CREB3L1: variants seen among roughly 807,000 people sequenced by gnomAD.
CREB3L1 encodes the protein cAMP responsive element binding protein 3 like 1.
A neutral mutation model predicts 54.5 loss-of-function variants in CREB3L1; 33 were observed. That is an observed-to-expected ratio of 0.61 (90% CI 0.46 to 0.81). CREB3L1 has a LOEUF of 0.81. Ranked by LOEUF, CREB3L1 falls within the 30% of genes least tolerant of loss-of-function variation. The pLI, the probability that CREB3L1 is intolerant of heterozygous loss-of-function variation, is 0.00. For synonymous variants in CREB3L1, 284 were observed against 286.4 expected, an observed-to-expected ratio of 0.99 and a Z score of 0.08; for missense variants, 656 against 673.3, an observed-to-expected ratio of 0.97 and a Z score of 0.29.
At chr11:46,291,676 G>A (rs796772833) in intron 1 of CREB3L1, among the ~76,000 whole-genome samples, 12 of 152,306 alleles carry the variant, frequency 7.9e-5, no homozygotes, top group African/African-American at 2.9e-4. Flanking sequence ...GGTGGGGGAA[G>A]GAAGGCAGAG....
At chr11:46,317,211 T>G in intron 9 of CREB3L1, 150 bp from the exon 10 acceptor site, 30 of 933,994 alleles carry the variant, frequency 3.2e-5, no homozygotes, top group Non-Finnish European at 3.9e-5. Context: ...AGACCCCACA[T>G]GTAGGAGGGA....
intron 1 of CREB3L1, among the ~76,000 whole-genome samples, chr11:46,288,058 ACT>A (rs2136337245): frequency 6.7e-6 from 1 of 149,580 alleles, no homozygotes; most frequent in East Asian, 2.0e-4. Flanking sequence ...ATCCAATTAC[ACT>A]CTTTTTTTTA....
chr11:46,314,522 G>A (rs1001362283), intron 8 of CREB3L1, among the ~76,000 whole-genome samples: 4 of 151,768 alleles, frequency 2.6e-5, no homozygotes, highest in Non-Finnish European at 2.9e-5. Context: ...GACCACAGGC[G>A]CACACCACCA....
In CREB3L1 at chr11:46,278,189, C is replaced by T. The variant is rs1170818235; in HGVS notation, c.78C>T (p.Asn26=). The part of the protein sequence containing the change: ...GSSFLDLGDL[N]ESDFLNNAHF... ...GCTTCCTGGACTTGGGGGATCTGAACGAGTCGGACTTCCTCAACAATGCGG... is the reference window on the plus strand; with the variant it reads ...GCTTCCTGGACTTGGGGGATCTGAATGAGTCGGACTTCCTCAACAATGCGG... The change falls in exon 1 of 12, where the codon AAC becomes AAT. Residue 26 remains asparagine, a synonymous_variant. Coordinates refer to ENST00000621158, the MANE Select transcript of CREB3L1 (RefSeq NM_052854.4). The surrounding 1 kb of genome is among the most constrained non-coding windows in gnomAD (Gnocchi z 4.2). 6.4e-6 allele frequency: 10 copies of T among 1,574,048 alleles called. No homozygotes were observed. Among genetic ancestry groups the T allele is most frequent in the African/African-American group, 4.1e-5 (3 of 73,756 alleles).
At chr11:46,317,221 A>G in intron 9 of CREB3L1, 140 bp from the exon 10 acceptor site, 1 of 1,024,734 alleles carries the variant, frequency 9.8e-7, no homozygotes, top group Non-Finnish European at 1.4e-6. Flanking sequence ...TGTAGGAGGG[A>G]GTGGTCGACT....
chr11:46,307,669 C>A, intron 2 of CREB3L1, 147 bp from the exon 3 acceptor site: 1 of 566,658 alleles, frequency 1.8e-6, no homozygotes, highest in Non-Finnish European at 3.0e-6. Context: ...GACAACTCCT[C>A]CTCACCTCAC....
At chr11:46,279,541 T>A (rs1938936260) in intron 1 of CREB3L1, among the ~76,000 whole-genome samples, 2 of 152,172 alleles carry the variant, frequency 1.3e-5, no homozygotes, top group Admixed American at 1.3e-4. Context: ...TGGTTTCTAG[T>A]CCTGGCTCTG....
At chr11:46,289,500 C>T (rs1939102778) in intron 1 of CREB3L1, among the ~76,000 whole-genome samples, 1 of 152,244 alleles carries the variant, frequency 6.6e-6, no homozygotes, top group African/African-American at 2.4e-5. Context: ...AATGACCTAA[C>T]AGTCTGTAAG....
chr11:46,305,102 G>C (rs962140282), intron 2 of CREB3L1, among the ~76,000 whole-genome samples: 9 of 152,172 alleles, frequency 5.9e-5, no homozygotes, highest in African/African-American at 2.2e-4. Flanking sequence ...GTCCCCTCCA[G>C]CCCTGCCTTG....
intron 2 of CREB3L1, among the ~76,000 whole-genome samples, chr11:46,307,208 G>A (rs956526998): frequency 3.9e-5 from 6 of 152,064 alleles, no homozygotes; most frequent in Non-Finnish European, 7.4e-5. Flanking sequence ...TCAGCCTCCT[G>A]AGTAGCTGGG....
intron 4 of CREB3L1, among the ~76,000 whole-genome samples, chr11:46,310,511 A>C (rs1019527953): frequency 2.6e-5 from 4 of 151,792 alleles, no homozygotes; most frequent in African/African-American, 4.8e-5. Context: ...CAGGGGATCC[A>C]CCTGTCTCAG....
At chr11:46,288,235 T>C (rs1004967176) in intron 1 of CREB3L1, among the ~76,000 whole-genome samples, 2 of 151,946 alleles carry the variant, frequency 1.3e-5, no homozygotes, top group Non-Finnish European at 2.9e-5. Flanking sequence ...GCATGCGCCA[T>C]GACACCTGGC....
chr11:46,309,899 G>T, intron 3 of CREB3L1, 90 bp from the exon 4 acceptor site: 1 of 1,058,676 alleles, frequency 9.4e-7, no homozygotes, highest in South Asian at 1.4e-5. Flanking sequence ...GTGCAGGGCA[G>T]GCAACCAGCT....
intron 1 of CREB3L1, among the ~76,000 whole-genome samples, chr11:46,286,203 C>T (rs995707593): frequency 6.7e-6 from 1 of 148,704 alleles, no homozygotes; most frequent in East Asian, 1.9e-4. Flanking sequence ...GGAAGGAAGG[C>T]AGGATGGAGT....
chr11:46,299,821 A>T, intron 1 of CREB3L1, 114 bp from the exon 2 acceptor site: 2 of 724,194 alleles, frequency 2.8e-6, no homozygotes, highest in Non-Finnish European at 5.0e-6. Context: ...CAGTAATGGG[A>T]GGTTGCAGGG....
intron 2 of CREB3L1, among the ~76,000 whole-genome samples, chr11:46,304,177 T>A (rs1566187012): frequency 6.6e-6 from 1 of 151,264 alleles, no homozygotes; most frequent in African/African-American, 2.4e-5. Context: ...TTGGGAGGAG[T>A]AAAGAAGCTC....
At chr11:46,313,382 CCTAGGAGCTTGTTAGAAATGCAGG>C (rs1368933356) in intron 8 of CREB3L1, among the ~76,000 whole-genome samples, 1 of 152,110 alleles carries the variant, frequency 6.6e-6, no homozygotes, top group Non-Finnish European at 1.5e-5. Flanking sequence ...ATCAGCATCA[CCTAGGAGCTTGTTAGAAATGCAGG>C]CTGGGCACGG....
chr11:46,296,212 G>C (rs922980901), intron 1 of CREB3L1, among the ~76,000 whole-genome samples: 10 of 152,236 alleles, frequency 6.6e-5, no homozygotes, highest in African/African-American at 2.4e-4. Flanking sequence ...GGAGGGCTGG[G>C]TGTGGTTGGG....
In CREB3L1 at chr11:46,295,522, G is replaced by C. The variant is rs907468599; in HGVS notation, c.103-4413G>C. On this transcript the variant is annotated intron_variant, in intron 1 of 11. Coordinates refer to ENST00000621158, the MANE Select transcript of CREB3L1 (RefSeq NM_052854.4). The surrounding 1 kb of genome is among the most constrained non-coding windows in gnomAD (Gnocchi z 4.6). ...TTCTGCCTCGGCCCCAGACGCAGAAGGGGTCCCATGCAGGCCCGAGCCAGT... is the reference window on the plus strand; with the variant it reads ...TTCTGCCTCGGCCCCAGACGCAGAACGGGTCCCATGCAGGCCCGAGCCAGT... Among the ~76,000 whole-genome samples, 7 of 152,348 alleles carry C rather than the reference G, an allele frequency of 4.6e-5. No individual in the cohort carries two copies. Among genetic ancestry groups the C allele is most frequent in the African/African-American group, 1.7e-4 (7 of 41,588 alleles).
Sources: allele counts gnomAD v4.1 joint callset (sites outside exome capture counted in the v4.1 genomes callset), GRCh38; gene constraint gnomAD v4.1.1; non-coding constraint Gnocchi (gnomAD v3.1); transcripts MANE v1.5; gene names NCBI Gene and HGNC (gene_info 2026-07-23, HGNC 2026-07-21).